Variants in ZNF503 observed in about 807,000 individuals in gnomAD.
ZNF503 encodes zinc finger protein 503.
Under a neutral mutation model 34.4 loss-of-function variants are expected in ZNF503, and 15 were observed. The observed-to-expected ratio is 0.44, with a 90% confidence interval of 0.29 to 0.67. The LOEUF (loss-of-function observed/expected upper bound fraction) is 0.67. ZNF503 is among the 30% of genes least tolerant of loss of function. The pLI is 0.13. For missense variants in ZNF503, 1,007 were observed against 926.8 expected, an observed-to-expected ratio of 1.09 and a Z score of -1.12; for synonymous variants, 580 against 456.8, an observed-to-expected ratio of 1.27 and a Z score of -3.44.
At chr10:75,326,404 A>G in the ZNF503 span, among the ~76,000 whole-genome samples, 4 of 151,850 alleles carry the variant, frequency 2.6e-5, no homozygotes, top group Non-Finnish European at 5.9e-5. Flanking sequence ...TCTTGATATA[A>G]GTGTGCTGGT....
chr10:75,318,403 G>C, the ZNF503 span, among the ~76,000 whole-genome samples: 3 of 152,092 alleles, frequency 2.0e-5, no homozygotes, highest in African/African-American at 7.2e-5. Flanking sequence ...AGGCATGGTG[G>C]CTCACACCTG....
In ZNF503 at chr10:75,398,837, G is replaced by C; in HGVS notation, c.1853C>G (p.Pro618Arg). ...GTACGGTCCGGTGGCGGCGGGCACCGGCACGGGGGCGCCAGGCGTGGGAAG... is the reference window on the plus strand; with the variant it reads ...GTACGGTCCGGTGGCGGCGGGCACCCGCACGGGGGCGCCAGGCGTGGGAAG... Reference protein sequence around the residue: ...SPLPTPGAPVPVPAATGPYYS... With the variant: ...SPLPTPGAPVRVPAATGPYYS... Residue 618 changes from proline (P) to arginine (R), a missense_variant, in exon 2 of 2, where the codon CCG becomes CGG. Physicochemically the swap from Pro to Arg is moderately radical, Grantham distance 103. Coordinates refer to ENST00000372524, the MANE Select transcript of ZNF503 (RefSeq NM_032772.6). 1 of 1,500,176 alleles carries C rather than the reference G, an allele frequency of 6.7e-7. No individual in the cohort carries two copies. The highest frequency in any genetic ancestry group is 8.8e-7 in the Non-Finnish European group (1 of 1,130,744). The allele number at this position is 1,500,176 out of a possible 1,614,324, so 92.9% of individuals were successfully genotyped here.
downstream of ZNF503, among the ~76,000 whole-genome samples, chr10:75,397,207 G>A (rs933322665): frequency 6.6e-6 from 1 of 152,140 alleles, no homozygotes; most frequent in African/African-American, 2.4e-5. Flanking sequence ...GGAGGAAGGA[G>A]CGGGCGGGTG....
At chr10:75,369,045 G>A in the ZNF503 span, among the ~76,000 whole-genome samples, 1 of 152,180 alleles carries the variant, frequency 6.6e-6, no homozygotes, top group African/African-American at 2.4e-5. Context: ...AGGAACAAGG[G>A]AGACTTTACA....
downstream of ZNF503, among the ~76,000 whole-genome samples, chr10:75,394,650 T>A (rs1324366721): frequency 6.6e-6 from 1 of 152,260 alleles, no homozygotes; most frequent in Non-Finnish European, 1.5e-5. Flanking sequence ...CCCACATCTT[T>A]CCTTCTCCTG....
chr10:75,401,339 ACCGCCGCCTCCGCCTCCGCCG>A lies in ZNF503; in HGVS notation c.60_80del (p.Gly21_Gly27del). On this transcript the variant is annotated inframe_deletion, in exon 1 of 2. Coordinates refer to ENST00000372524, the MANE Select transcript of ZNF503 (RefSeq NM_032772.6). ...GCGCGCTGGTCCAGGCAGGGTCTGC[ACCGCCGCCTCCGCCTCCGCCG>A]CCGCCGCCGCCGCTGTGCTTACTGC... 1 of 1,431,308 alleles carries A rather than the reference ACCGCCGCCTCCGCCTCCGCCG, an allele frequency of 7.0e-7. No individual in the cohort carries two copies. Among genetic ancestry groups the A allele is most frequent in the African/African-American group, 1.4e-5 (1 of 69,150 alleles). The allele number at this position is 1,431,308 out of a possible 1,614,324, so 88.7% of individuals were successfully genotyped here. A position where few individuals can be genotyped will look rare whatever the true frequency, so the allele number is the denominator to read the frequency against.
Position 75,398,617 on chromosome 10 carries a change from C to G in ZNF503, c.*132G>C. ...CTGTCGGGTAGATAGATACGGTATA[C>G]ATTTCTTTCCTTTCGTGGCCCGAGT... is the stretch of plus-strand genomic sequence containing the variant. On this transcript the variant is annotated 3_prime_UTR_variant, in exon 2 of 2. Transcript: ENST00000372524. 9 of 798,788 alleles carry G rather than the reference C, an allele frequency of 1.1e-5. No individual in the cohort carries two copies. The highest frequency in any genetic ancestry group is 1.4e-5 in the Non-Finnish European group (8 of 584,530). The allele number at this position is 798,788 out of a possible 1,614,324, so 49.5% of individuals were successfully genotyped here. A position where few individuals can be genotyped will look rare whatever the true frequency, so the allele number is the denominator to read the frequency against.
At chr10:75,360,730 C>A in the ZNF503 span, 2 of 152,264 alleles carry the variant, frequency 1.3e-5, no homozygotes, top group African/African-American at 4.8e-5. Context: ...CTCATCCCAG[C>A]CTAACTATTC....
the ZNF503 span, among the ~76,000 whole-genome samples, chr10:75,316,019 A>G: frequency 7.2e-5 from 11 of 152,248 alleles, no homozygotes; most frequent in South Asian, 6.2e-4. Context: ...TGATGAAGAT[A>G]TAATGGTTAT....
At chr10:75,339,821 C>T in the ZNF503 span, among the ~76,000 whole-genome samples, 11,294 of 152,104 alleles carry the variant, frequency 0.074, 565 homozygotes, top group Non-Finnish European at 0.11. Context: ...ACCATTGATT[C>T]GTCATGGGAA....
At chr10:75,373,425 G>A in the ZNF503 span, 1 of 152,144 alleles carries the variant, frequency 6.6e-6, no homozygotes, top group Admixed American at 6.5e-5. Flanking sequence ...CAATAAACCT[G>A]CGTGTACCTC....
chr10:75,321,787 A>C, the ZNF503 span, among the ~76,000 whole-genome samples: 2 of 152,214 alleles, frequency 1.3e-5, no homozygotes, highest in African/African-American at 4.8e-5. Context: ...ATGAGCAAAG[A>C]AATGACCTAA....
chr10:75,326,054 A>T, the ZNF503 span, among the ~76,000 whole-genome samples: 2 of 152,168 alleles, frequency 1.3e-5, no homozygotes, highest in Non-Finnish European at 2.9e-5. Context: ...TTGGTGCAAA[A>T]GCGATTGTAG....
At chr10:75,299,133 G>T in the ZNF503 span, 1 of 152,194 alleles carries the variant, frequency 6.6e-6, no homozygotes, top group South Asian at 2.1e-4. Flanking sequence ...GTTTCACCAT[G>T]TTGGTCAGGC....
the ZNF503 span, chr10:75,283,453 G>A: frequency 3.9e-5 from 6 of 152,410 alleles, no homozygotes; most frequent in Non-Finnish European, 5.9e-5. Flanking sequence ...CCAGAAGGGA[G>A]GCCACATTTG....
chr10:75,392,249 G>T, the ZNF503 span, among the ~76,000 whole-genome samples: 2 of 152,320 alleles, frequency 1.3e-5, no homozygotes, highest in East Asian at 3.9e-4. Context: ...CACCCTGGTA[G>T]GCACAGCCCT....
At chr10:75,356,457 C>T in the ZNF503 span, among the ~76,000 whole-genome samples, 12 of 152,292 alleles carry the variant, frequency 7.9e-5, no homozygotes, top group African/African-American at 1.9e-4. Flanking sequence ...CCTCGTGATC[C>T]GCCTGCCTCA....
chr10:75,381,964 G>A, the ZNF503 span, among the ~76,000 whole-genome samples: 5 of 151,652 alleles, frequency 3.3e-5, no homozygotes, highest in Admixed American at 6.6e-5. Flanking sequence ...AAGCCACCGT[G>A]CTCAACTAAT....
chr10:75,396,349 G>A (rs1843696917), downstream of ZNF503, among the ~76,000 whole-genome samples: 1 of 152,190 alleles, frequency 6.6e-6, no homozygotes, highest in Non-Finnish European at 1.5e-5. The surrounding 1 kb of genome is among the most constrained non-coding windows in gnomAD (Gnocchi z 4.4). Flanking sequence ...CAGGGTCGGG[G>A]GTGTGGAGAC....
Sources: gnomAD v4.1 joint callset for allele counts (sites outside exome capture counted in the v4.1 genomes callset) on GRCh38, gnomAD v4.1.1 for gene constraint, Gnocchi (gnomAD v3.1) non-coding constraint, MANE v1.5 for transcripts, NCBI Gene and HGNC (gene_info 2026-07-23, HGNC 2026-07-21) for gene names.